CLVS1: variants seen among roughly 807,000 people sequenced by gnomAD.
CLVS1 encodes clavesin 1.
In CLVS1, 10 loss-of-function variants were observed where a neutral mutation model predicts 33.1. The observed-to-expected ratio is 0.30, with a 90% confidence interval of 0.19 to 0.51. The LOEUF (loss-of-function observed/expected upper bound fraction) is 0.51. Ranked by LOEUF, CLVS1 falls within the 20% of genes least tolerant of loss-of-function variation. The pLI is 0.97. For synonymous variants in CLVS1, 163 were observed against 166.1 expected, an observed-to-expected ratio of 0.98 and a Z score of 0.14; for missense variants, 343 against 433.4, an observed-to-expected ratio of 0.79 and a Z score of 1.85.
chr8:61,467,363 G>C (rs919864432), intron 5 of CLVS1, among the ~76,000 whole-genome samples: 2 of 152,194 alleles, frequency 1.3e-5, no homozygotes, highest in African/African-American at 4.8e-5. Flanking sequence ...CCTGACAGCG[G>C]CTATTAACAA....
At chr8:61,173,630 C>G (rs772412773) in intron 2 of CLVS1, among the ~76,000 whole-genome samples, 3 of 152,028 alleles carry the variant, frequency 2.0e-5, no homozygotes, top group Admixed American at 6.6e-5. Flanking sequence ...GGAAGGAGAC[C>G]CTATGATTAT....
At position 61,393,313 on chromosome 8, in the gene CLVS1, T is replaced by TA. The variant is rs200001414; in HGVS notation, c.630+16544dup. ...GATTTTTTCATTCATATCCTGTATTTAAAAAAAAAATCTCTTTAAGTCGGT... is the reference window on the plus strand; with the variant it reads ...GATTTTTTCATTCATATCCTGTATTTAAAAAAAAAAATCTCTTTAAGTCGGT... On this transcript the variant is annotated intron_variant, in intron 3 of 5. Transcript: ENST00000325897. 1.0e-3 allele frequency among the ~76,000 whole-genome samples: 158 copies of TA among 150,730 alleles called. 1 individual carries two copies. Among genetic ancestry groups the TA allele is most frequent in the Middle Eastern group, 6.8e-3 (2 of 294 alleles).
intron 2 of CLVS1, among the ~76,000 whole-genome samples, chr8:61,356,136 A>T (rs6981574): frequency 6.6e-6 from 1 of 151,610 alleles, no homozygotes; most frequent in African/African-American, 2.4e-5. Context: ...TCTCATTGTG[A>T]TTTTGATTTG....
In CLVS1 at chr8:61,292,075, C is replaced by G. The variant is rs1333391487; in HGVS notation, c.-152+3937C>G. 9 of 279,278 alleles carry G rather than the reference C, an allele frequency of 3.2e-5. No homozygotes were observed. In the East Asian group the frequency reaches 6.4e-4, roughly 20 times the overall value. The allele number at this position is 279,278 out of a possible 1,614,324, so 17.3% of individuals were successfully genotyped here. On this transcript the variant is annotated intron_variant, in intron 1 of 5. Coordinates refer to ENST00000325897, the MANE Select transcript of CLVS1 (RefSeq NM_173519.3). ...AAGGTCCTGGGTTCTGCTGCCACTG[C>G]TGATGCATGGACCACCCTTTGAGAA...
chr8:61,364,660 A>G (rs1813118194), intron 2 of CLVS1, among the ~76,000 whole-genome samples: 1 of 152,226 alleles, frequency 6.6e-6, no homozygotes, highest in African/African-American at 2.4e-5. Context: ...TCTAAGTTCA[A>G]TCCATTTCTA....
chr8:61,021,963 C>A, the CLVS1 span, among the ~76,000 whole-genome samples: 1 of 152,198 alleles, frequency 6.6e-6, no homozygotes, highest in South Asian at 2.1e-4. Context: ...GCTTAGATGC[C>A]ACTTATAAGT....
At chr8:61,483,929 T>G (rs1402018098) in intron 5 of CLVS1, among the ~76,000 whole-genome samples, 1 of 152,162 alleles carries the variant, frequency 6.6e-6, no homozygotes. Context: ...ATAAATTAGG[T>G]ATTGATGGGA....
At chr8:61,108,119 A>C (rs1430555945) in intron 1 of CLVS1, among the ~76,000 whole-genome samples, 3 of 151,598 alleles carry the variant, frequency 2.0e-5, no homozygotes, top group African/African-American at 7.3e-5. Context: ...AATACAAAAA[A>C]ATTTAGCCAG....
the CLVS1 span, among the ~76,000 whole-genome samples, chr8:61,008,811 C>A: frequency 6.6e-6 from 1 of 152,130 alleles, no homozygotes; most frequent in African/African-American, 2.4e-5. Flanking sequence ...CCAAATGCTT[C>A]CCAGGAATAG....
At chr8:61,101,071 C>T (rs1805440697) in intron 1 of CLVS1, among the ~76,000 whole-genome samples, 1 of 152,060 alleles carries the variant, frequency 6.6e-6, no homozygotes. Context: ...AATGTTTCAT[C>T]GTTCTTGGTA....
At chr8:61,405,768 G>A (rs1395191220) in intron 3 of CLVS1, among the ~76,000 whole-genome samples, 1 of 149,476 alleles carries the variant, frequency 6.7e-6, no homozygotes, top group South Asian at 2.1e-4. Context: ...AGCATAGTCA[G>A]GTGCCACTGT....
At chr8:61,090,448 G>A (rs1292380345) in intron 1 of CLVS1, among the ~76,000 whole-genome samples, 1 of 152,108 alleles carries the variant, frequency 6.6e-6, no homozygotes, top group East Asian at 1.9e-4. Context: ...TAGAAGGAAA[G>A]AAGCCTGTTG....
At chr8:61,108,225 A>G (rs1013319151) in intron 1 of CLVS1, among the ~76,000 whole-genome samples, 1 of 151,694 alleles carries the variant, frequency 6.6e-6, no homozygotes, top group Admixed American at 6.6e-5. Context: ...CTCAAAAAAA[A>G]AAAAAAAAAC....
At chr8:61,067,358 G>T (rs1173194629) in intron 1 of CLVS1, among the ~76,000 whole-genome samples, 2 of 150,438 alleles carry the variant, frequency 1.3e-5, no homozygotes, top group Non-Finnish European at 3.0e-5. Context: ...ATATATGTGG[G>T]TGTATATATA....
intron 3 of CLVS1, among the ~76,000 whole-genome samples, chr8:61,414,953 C>T (rs1040342468): frequency 6.6e-6 from 1 of 152,222 alleles, no homozygotes; most frequent in Non-Finnish European, 1.5e-5. Flanking sequence ...AACTTATTCT[C>T]CTTACTTCAT....
intron 2 of CLVS1, among the ~76,000 whole-genome samples, chr8:61,239,390 T>C (rs566992343): frequency 1.9e-4 from 29 of 152,344 alleles, no homozygotes; most frequent in African/African-American, 6.7e-4. Context: ...ACGCCTTATC[T>C]GGAGATCAAT....
chr8:61,306,544 C>T (rs150452504), intron 2 of CLVS1, among the ~76,000 whole-genome samples: 130 of 152,260 alleles, frequency 8.5e-4, no homozygotes, highest in Admixed American at 1.7e-3. Flanking sequence ...TTTACCCATT[C>T]ATCTGATGAT....
At chr8:61,065,308 C>G (rs779788027) in intron 1 of CLVS1, among the ~76,000 whole-genome samples, 2 of 152,110 alleles carry the variant, frequency 1.3e-5, no homozygotes, top group Non-Finnish European at 2.9e-5. Flanking sequence ...AGAAAAAAGT[C>G]TGTGTATGTT....
intron 2 of CLVS1, among the ~76,000 whole-genome samples, chr8:61,273,572 G>T (rs191351081): frequency 3.3e-5 from 5 of 152,320 alleles, no homozygotes; most frequent in Admixed American, 1.3e-4. Flanking sequence ...GGGCAATGGC[G>T]GGCGCCCCTC....
Sources: allele counts gnomAD v4.1 joint callset (sites outside exome capture counted in the v4.1 genomes callset), GRCh38; gene constraint gnomAD v4.1.1; transcripts MANE v1.5; gene names NCBI Gene and HGNC (gene_info 2026-07-23, HGNC 2026-07-21).